MKLN1: variants seen among roughly 807,000 people sequenced by gnomAD.
MKLN1 encodes the protein muskelin 1.
A neutral mutation model predicts 99.0 loss-of-function variants in MKLN1; 18 were observed. The ratio of observed to expected loss-of-function variants is 0.18; its 90% CI spans 0.13 to 0.27. MKLN1 has a LOEUF of 0.27. MKLN1 is among the 10% of genes least tolerant of loss of function. The pLI, the probability that MKLN1 is intolerant of heterozygous loss-of-function variation, is 1.00. For synonymous variants in MKLN1, 288 were observed against 293.2 expected (o/e 0.98, Z 0.18); for missense variants, 621 against 875.9 (o/e 0.71, Z 3.67).
chr7:131,381,075 A>G (rs1793832998), intron 2 of MKLN1, among the ~76,000 whole-genome samples: 1 of 152,214 alleles, frequency 6.6e-6, no homozygotes, highest in South Asian at 2.1e-4. Flanking sequence ...TTGATTCATT[A>G]ACATTGAATT....
intron 2 of MKLN1, among the ~76,000 whole-genome samples, chr7:131,379,599 A>G (rs975448850): frequency 6.6e-6 from 1 of 152,214 alleles, no homozygotes; most frequent in African/African-American, 2.4e-5. Context: ...GTATATTGAA[A>G]ATAAGGTAGT....
At chr7:131,440,726 A>G (rs934099199) in intron 10 of MKLN1, among the ~76,000 whole-genome samples, 2 of 151,792 alleles carry the variant, frequency 1.3e-5, no homozygotes, top group Non-Finnish European at 2.9e-5. Flanking sequence ...ATATATATAT[A>G]TAACTGGAGA....
intron 2 of MKLN1, among the ~76,000 whole-genome samples, chr7:131,385,320 T>G (rs1038971654): frequency 6.6e-6 from 1 of 152,192 alleles, no homozygotes; most frequent in African/African-American, 2.4e-5. Context: ...TGAACATTCA[T>G]GTACGACTGT....
chr7:131,339,706 A>G (rs1458605765), intron 1 of MKLN1, among the ~76,000 whole-genome samples: 5 of 152,098 alleles, frequency 3.3e-5, no homozygotes, highest in Non-Finnish European at 7.4e-5. Flanking sequence ...CTCCAAAAAA[A>G]AAAAAATTGA....
intron 17 of MKLN1, among the ~76,000 whole-genome samples, chr7:131,479,725 G>A (rs1051002149): frequency 6.6e-6 from 1 of 151,996 alleles, no homozygotes; most frequent in African/African-American, 2.4e-5. Flanking sequence ...TACTCAGGAG[G>A]CTGAGGCAGG....
At chr7:131,390,950 T>C (rs958242532) in intron 4 of MKLN1, among the ~76,000 whole-genome samples, 1 of 152,138 alleles carries the variant, frequency 6.6e-6, no homozygotes, top group Admixed American at 6.5e-5. Flanking sequence ...TAGCCCATTT[T>C]CTATTTAGGA....
chr7:131,301,519 G>A (rs1222166736), intron 3 of MKLN1, among the ~76,000 whole-genome samples: 1 of 152,114 alleles, frequency 6.6e-6, no homozygotes, highest in Non-Finnish European at 1.5e-5. Context: ...ACATTATGAG[G>A]GCATCTAGTG....
chr7:131,227,226 A>G (rs143553464), intron 3 of MKLN1, among the ~76,000 whole-genome samples: 35 of 152,278 alleles, frequency 2.3e-4, no homozygotes, highest in African/African-American at 7.5e-4. Flanking sequence ...CCAGGGTTCT[A>G]TGAAACCTTC....
At chr7:131,204,692 G>A (rs751436649) in intron 3 of MKLN1, among the ~76,000 whole-genome samples, 3 of 152,032 alleles carry the variant, frequency 2.0e-5, no homozygotes, top group African/African-American at 7.2e-5. Flanking sequence ...TAGGCCGGGC[G>A]CGGTGGCTCA....
chr7:131,232,905 T>C (rs1444169043), intron 3 of MKLN1, among the ~76,000 whole-genome samples: 7 of 151,980 alleles, frequency 4.6e-5, no homozygotes, highest in Non-Finnish European at 1.0e-4. Context: ...GCACTGATCA[T>C]GAGGAAAGGC....
At chr7:131,302,562 T>C (rs17165557) in intron 3 of MKLN1, among the ~76,000 whole-genome samples, 7,092 of 152,232 alleles carry the variant, frequency 0.047, 199 homozygotes, top group Middle Eastern at 0.12. Context: ...TCAGCTTCGT[T>C]TAGATGTGGT....
intron 17 of MKLN1, chr7:131,478,892 T>G: frequency 1.7e-6 from 1 of 595,076 alleles, no homozygotes; most frequent in Non-Finnish European, 3.0e-6. Context: ...TTATACCAAT[T>G]GCTGTGTTAG....
chr7:131,264,479 GAACT>G (rs1294903426), intron 3 of MKLN1, among the ~76,000 whole-genome samples: 1 of 152,046 alleles, frequency 6.6e-6, no homozygotes, highest in Non-Finnish European at 1.5e-5. Context: ...GAAATATAAG[GAACT>G]AATTTTGAAT....
At chr7:131,261,424 G>A (rs1797729879) in intron 3 of MKLN1, among the ~76,000 whole-genome samples, 1 of 152,116 alleles carries the variant, frequency 6.6e-6, no homozygotes, top group African/African-American at 2.4e-5. Context: ...TTAGAGAAAC[G>A]CAAATTAAAA....
intron 3 of MKLN1, among the ~76,000 whole-genome samples, chr7:131,291,246 T>C (rs1173547549): frequency 6.6e-6 from 1 of 151,860 alleles, no homozygotes; most frequent in African/African-American, 2.4e-5. Context: ...TTATCCTGCC[T>C]CAGCCTTCCA....
chr7:131,386,852 G>C (rs1794042997), intron 2 of MKLN1, among the ~76,000 whole-genome samples: 2 of 152,178 alleles, frequency 1.3e-5, no homozygotes, highest in Admixed American at 6.5e-5. Context: ...TTGATTAGAA[G>C]TTATCTCACT....
intron 1 of MKLN1, among the ~76,000 whole-genome samples, chr7:131,122,164 T>G (rs1253442150): frequency 6.6e-6 from 1 of 152,172 alleles, no homozygotes; most frequent in Non-Finnish European, 1.5e-5. Flanking sequence ...TCAGTAAACT[T>G]TTGTTAGATT....
intron 1 of MKLN1, among the ~76,000 whole-genome samples, chr7:131,140,621 A>G (rs1419446027): frequency 2.0e-5 from 3 of 152,222 alleles, no homozygotes; most frequent in African/African-American, 7.2e-5. Context: ...TGCCGTGAGT[A>G]AAAGCTTCCT....
At chr7:131,331,675 G>A (rs1308745617) in intron 1 of MKLN1, among the ~76,000 whole-genome samples, 1 of 152,088 alleles carries the variant, frequency 6.6e-6, no homozygotes, top group Non-Finnish European at 1.5e-5. Context: ...CTCATATTGG[G>A]CCTTTTGACT....
Sources: gnomAD v4.1 joint callset for allele counts (sites outside exome capture counted in the v4.1 genomes callset) on GRCh38, gnomAD v4.1.1 for gene constraint, MANE v1.5 for transcripts, NCBI Gene and HGNC (gene_info 2026-07-23, HGNC 2026-07-21) for gene names.